The following AKAP6 variants were observed in gnomAD, a reference collection of about 807,000 sequenced individuals.
AKAP6 encodes A-kinase anchoring protein 6.
In AKAP6, 58 loss-of-function variants were observed where a neutral mutation model predicts 188.5. The observed-to-expected ratio is 0.31, with a 90% CI of 0.25 to 0.38. The LOEUF (loss-of-function observed/expected upper bound fraction) is 0.38. Ranked by LOEUF, AKAP6 falls within the 10% of genes least tolerant of loss-of-function variation. The pLI is 1.00. For synonymous variants in AKAP6, 989 were observed against 998.6 expected (o/e 0.99, Z 0.18); for missense variants, 2,710 against 2,740.0 (o/e 0.99, Z 0.24).
At chr14:32,798,309 G>C (rs767271771) in intron 12 of AKAP6, among the ~76,000 whole-genome samples, 1 of 152,188 alleles carries the variant, frequency 6.6e-6, no homozygotes. Flanking sequence ...AAGTAAGTTA[G>C]TTCACCCACT....
At chr14:32,330,551 G>C (rs1886499133) in intron 1 of AKAP6, among the ~76,000 whole-genome samples, 1 of 151,744 alleles carries the variant, frequency 6.6e-6, no homozygotes, top group Admixed American at 6.6e-5. Flanking sequence ...ATCAGGGAGT[G>C]GTCTTGTGGC....
intron 7 of AKAP6, among the ~76,000 whole-genome samples, chr14:32,604,619 C>T (rs1352167290): frequency 6.6e-6 from 1 of 152,140 alleles, no homozygotes; most frequent in Non-Finnish European, 1.5e-5. Context: ...GTGATTGGCA[C>T]TTACTAGCTG....
At chr14:32,690,158 T>C (rs1273550401) in intron 8 of AKAP6, among the ~76,000 whole-genome samples, 2 of 151,010 alleles carry the variant, frequency 1.3e-5, no homozygotes, top group African/African-American at 4.9e-5. Flanking sequence ...GTGAGGACTT[T>C]TAGTGTTATA....
At chr14:32,684,348 C>G (rs1009766672) in intron 8 of AKAP6, among the ~76,000 whole-genome samples, 9 of 152,062 alleles carry the variant, frequency 5.9e-5, no homozygotes, top group Admixed American at 2.0e-4. Context: ...AGAGTTTTTC[C>G]TGCTGTAATA....
intron 7 of AKAP6, among the ~76,000 whole-genome samples, chr14:32,610,729 A>G (rs1886316712): frequency 6.6e-6 from 1 of 152,244 alleles, no homozygotes; most frequent in Non-Finnish European, 1.5e-5. Flanking sequence ...CATAGGAAAT[A>G]GCATGGTCAA....
chr14:32,450,051 G>A (rs556371860), intron 2 of AKAP6, among the ~76,000 whole-genome samples: 56 of 152,298 alleles, frequency 3.7e-4, no homozygotes, highest in African/African-American at 1.2e-3. Flanking sequence ...CCCAGGATTT[G>A]GAGATGGCAG....
intron 7 of AKAP6, among the ~76,000 whole-genome samples, chr14:32,660,026 A>G (rs1454248374): frequency 6.6e-6 from 1 of 152,128 alleles, no homozygotes; most frequent in Non-Finnish European, 1.5e-5. Flanking sequence ...AAAGAAAGGT[A>G]AAAGGGAATC....
chr14:32,523,026 G>A (rs1166064272), intron 2 of AKAP6, among the ~76,000 whole-genome samples: 1 of 152,164 alleles, frequency 6.6e-6, no homozygotes, highest in African/African-American at 2.4e-5. Flanking sequence ...GTCCTTTGTA[G>A]GGACATGGAT....
chr14:32,378,006 T>G (rs1888215468), intron 1 of AKAP6, among the ~76,000 whole-genome samples: 1 of 152,182 alleles, frequency 6.6e-6, no homozygotes, highest in Non-Finnish European at 1.5e-5. Flanking sequence ...CTAAACTTAT[T>G]AAATTATTTG....
intron 7 of AKAP6, among the ~76,000 whole-genome samples, chr14:32,621,053 T>A (rs569702966): frequency 1.3e-5 from 2 of 152,220 alleles, no homozygotes; most frequent in South Asian, 4.1e-4. Flanking sequence ...CTTTTGACTT[T>A]TGAGCTTATG....
chr14:32,446,615 T>A (rs12892258), intron 2 of AKAP6, among the ~76,000 whole-genome samples: 31,832 of 150,060 alleles, frequency 0.21, 4,376 homozygotes, highest in Middle Eastern at 0.32. Flanking sequence ...TTTTTTTTTT[T>A]AATTTTCAAG....
At chr14:32,699,343 A>G (rs1242174642) in intron 9 of AKAP6, among the ~76,000 whole-genome samples, 2 of 152,226 alleles carry the variant, frequency 1.3e-5, no homozygotes, top group Non-Finnish European at 2.9e-5. Context: ...AGCAAAATAC[A>G]CAAGGAATTT....
intron 12 of AKAP6, among the ~76,000 whole-genome samples, chr14:32,787,249 C>T (rs1186743980): frequency 1.3e-5 from 2 of 152,238 alleles, no homozygotes; most frequent in African/African-American, 2.4e-5. Context: ...CTTTTTCTGC[C>T]TCTCAATCTT....
chr14:32,652,669 A>G (rs941122641), intron 7 of AKAP6, among the ~76,000 whole-genome samples: 3 of 152,204 alleles, frequency 2.0e-5, no homozygotes, highest in Non-Finnish European at 4.4e-5. Flanking sequence ...CATTCAAGCT[A>G]CAGCTCTACT....
chr14:32,751,403 A>T (rs2139906767), intron 11 of AKAP6, among the ~76,000 whole-genome samples: 1 of 152,182 alleles, frequency 6.6e-6, no homozygotes, highest in East Asian at 1.9e-4. Context: ...TGGAATTTAT[A>T]GTCATTAAAG....
intron 2 of AKAP6, among the ~76,000 whole-genome samples, chr14:32,448,538 T>G (rs1890832521): frequency 6.6e-6 from 1 of 152,234 alleles, no homozygotes; most frequent in Non-Finnish European, 1.5e-5. Context: ...TTTACTTGCC[T>G]AAAATCACAC....
intron 4 of AKAP6, among the ~76,000 whole-genome samples, chr14:32,549,097 A>T (rs904798187): frequency 3.3e-5 from 5 of 152,222 alleles, no homozygotes; most frequent in African/African-American, 4.8e-5. Context: ...ATTAACATAT[A>T]TCAAGTATTC....
chr14:32,655,780 T>C (rs1888427597), intron 7 of AKAP6, among the ~76,000 whole-genome samples: 1 of 152,078 alleles, frequency 6.6e-6, no homozygotes, highest in Non-Finnish European at 1.5e-5. Flanking sequence ...TAGAAAGTAA[T>C]GAGAGATAAA....
At chr14:32,596,226 C>T (rs10483413) in intron 5 of AKAP6, among the ~76,000 whole-genome samples, 8,466 of 152,152 alleles carry the variant, frequency 0.056, 339 homozygotes, top group Admixed American at 0.1. Context: ...TCCATCAAGG[C>T]GTATATTTCC....
Sources: gnomAD v4.1 joint callset for allele counts (sites outside exome capture counted in the v4.1 genomes callset) on GRCh38, gnomAD v4.1.1 for gene constraint, MANE v1.5 for transcripts, NCBI Gene and HGNC (gene_info 2026-07-23, HGNC 2026-07-21) for gene names.